Variants in SLA observed in about 807,000 individuals in gnomAD.
SLA encodes the protein src-like-adapter.
Under a neutral mutation model 30.3 loss-of-function variants are expected in SLA, and 16 were observed. The ratio of observed to expected loss-of-function variants is 0.53; its 90% CI spans 0.36 to 0.80. The LOEUF is 0.80. Ranked by LOEUF, SLA falls within the 30% of genes least tolerant of loss-of-function variation. SLA has a pLI of 0.01. For missense variants in SLA, 310 were observed against 345.2 expected, an observed-to-expected ratio of 0.90 and a Z score of 0.81; for synonymous variants, 143 against 137.8, an observed-to-expected ratio of 1.04 and a Z score of -0.26.
At chr8:133,047,584 G>A in intron 6 of SLA, 1 of 530,160 alleles carries the variant, frequency 1.9e-6, no homozygotes, top group South Asian at 2.0e-5. Context: ...TTTCCAGCAG[G>A]AGTCATCAGG....
chr8:133,079,030 G>C (rs1037263892), intron 1 of SLA, among the ~76,000 whole-genome samples: 11 of 152,180 alleles, frequency 7.2e-5, no homozygotes, highest in African/African-American at 2.7e-4. Context: ...GAGGCATGGC[G>C]GGACCACATC....
At chr8:133,098,987 C>T (rs1437854961) in intron 1 of SLA, among the ~76,000 whole-genome samples, 1 of 152,206 alleles carries the variant, frequency 6.6e-6, no homozygotes, top group Non-Finnish European at 1.5e-5. Context: ...GGACTGGGAT[C>T]TCTACTCAAG....
chr8:133,060,017 T>C lies in SLA; in HGVS notation c.61+83A>G, dbSNP rs551953806. The C allele has an allele frequency of 1.2e-4, 168 of 1,412,580 alleles. No individual in the cohort carries two copies. In the Middle Eastern group the frequency reaches 1.3e-3, roughly 11 times the overall value. The allele number at this position is 1,412,580 out of a possible 1,614,324, so 87.5% of individuals were successfully genotyped here. ...GTACCCATTGCCCCATTTAAGTAGTTACCGGCATCCACCACCGCCCAGTCT... is the reference window on the plus strand; with the variant it reads ...GTACCCATTGCCCCATTTAAGTAGTCACCGGCATCCACCACCGCCCAGTCT... On this transcript the variant is annotated intron_variant, in intron 3 of 8. Coordinates refer to ENST00000338087, the MANE Select transcript of SLA (RefSeq NM_001045556.3).
chr8:133,049,749 C>T, intron 5 of SLA, 153 bp downstream of exon 5: 1 of 645,698 alleles, frequency 1.5e-6, no homozygotes, highest in Non-Finnish European at 2.8e-6. Context: ...CCCAAGGTTG[C>T]TCCTTTCCTT....
At chr8:133,082,316 A>C (rs62516034) in intron 1 of SLA, among the ~76,000 whole-genome samples, 39,009 of 152,096 alleles carry the variant, frequency 0.26, 5,312 homozygotes, top group African/African-American at 0.31. Flanking sequence ...ACTTTGCATG[A>C]CTGGGGCAAC....
rs1409780690 is a variant in SLA, at chr8:133,074,976, C to T, written c.-164G>A. ...AATAAACAGGCAGCCGGGCTTCTCG[C>T]GGTTGTGGAGAAGCAGCCCATGCTA... On this transcript the variant is annotated 5_prime_UTR_variant, in exon 2 of 9. Coordinates refer to ENST00000338087, the MANE Select transcript of SLA (RefSeq NM_001045556.3). The T allele has an allele frequency of 3.3e-5, 33 of 985,340 alleles. No individual in the cohort carries two copies. Among genetic ancestry groups the T allele is most frequent in the Non-Finnish European group, 3.9e-5 (32 of 829,986 alleles). 61.0% of individuals were successfully genotyped at this position (985,340 alleles called of 1,614,324 possible).
intron 3 of SLA, among the ~76,000 whole-genome samples, chr8:133,059,394 G>T (rs933587457): frequency 2.6e-5 from 4 of 152,208 alleles, no homozygotes; most frequent in Non-Finnish European, 5.9e-5. Context: ...TGGTGGATTT[G>T]ATGTTCAGCC....
intron 4 of SLA, chr8:133,050,428 G>A (rs1026103974): frequency 4.0e-6 from 1 of 250,590 alleles, no homozygotes; most frequent in Non-Finnish European, 7.8e-6. Context: ...AGAGGTAAGA[G>A]GAGAGAAGGC....
intron 1 of SLA, among the ~76,000 whole-genome samples, chr8:133,086,792 T>G (rs976216523): frequency 6.6e-6 from 1 of 152,210 alleles, no homozygotes; most frequent in Non-Finnish European, 1.5e-5. Context: ...AATATTGTTA[T>G]GTTCCTTACA....
rs1332484170 is a variant in SLA, at chr8:133,040,064, G to T, written c.551C>A (p.Ala184Glu). ...GACAGGTGAGCTGGAGGCCCTCACT[G>T]CTGGGGCAGCCGTGCTTTGTGTCAG... ...PCLTQSTAAP[A>E]VRASSSPVTL... Residue 184 changes from alanine (A) to glutamate (E), a missense_variant, in exon 8 of 9, where the codon GCA (alanine) becomes GAA (glutamate). By Grantham distance (107) the Ala-to-Glu change is moderately radical. Coordinates refer to ENST00000338087, the MANE Select transcript of SLA (RefSeq NM_001045556.3). 6 of 1,555,506 alleles carry T rather than the reference G, an allele frequency of 3.9e-6. No individual in the cohort carries two copies. Among genetic ancestry groups the T allele is most frequent in the Non-Finnish European group, 5.2e-6 (6 of 1,149,040 alleles).
At chr8:133,093,993 G>T (rs534640338) in intron 1 of SLA, among the ~76,000 whole-genome samples, 5 of 152,160 alleles carry the variant, frequency 3.3e-5, no homozygotes, top group Non-Finnish European at 5.9e-5. Flanking sequence ...GGTAAGAGCA[G>T]TGGCACTGGT....
At chr8:133,095,754 C>T (rs1357634597) in intron 1 of SLA, among the ~76,000 whole-genome samples, 2 of 152,202 alleles carry the variant, frequency 1.3e-5, no homozygotes, top group African/African-American at 2.4e-5. Flanking sequence ...ATTGTCATGG[C>T]AATTGATGGC....
intron 3 of SLA, among the ~76,000 whole-genome samples, chr8:133,052,179 T>G (rs1294443357): frequency 1.3e-5 from 2 of 152,190 alleles, no homozygotes; most frequent in African/African-American, 4.8e-5. Flanking sequence ...CATAAGCCTC[T>G]TGGGCAGACT....
chr8:133,049,552 G>A, intron 5 of SLA: 1 of 304,438 alleles, frequency 3.3e-6, no homozygotes, highest in Non-Finnish European at 6.4e-6. Context: ...GCCAGTAAGT[G>A]ACAGAGGCAG....
intron 2 of SLA, 56 bp from the exon 3 acceptor site, chr8:133,060,256 G>A: frequency 6.2e-7 from 1 of 1,610,526 alleles, no homozygotes; most frequent in South Asian, 1.1e-5. Flanking sequence ...CCTCCAAGTG[G>A]AGAATGACCC....
chr8:133,078,812 G>A (rs577063003), intron 1 of SLA, among the ~76,000 whole-genome samples: 1 of 152,342 alleles, frequency 6.6e-6, no homozygotes, highest in Admixed American at 6.5e-5. Flanking sequence ...CCTATATTCA[G>A]AGGACAGACG....
chr8:133,074,432 G>T (rs866444100), intron 2 of SLA, among the ~76,000 whole-genome samples: 6 of 152,196 alleles, frequency 3.9e-5, no homozygotes, highest in Middle Eastern at 3.4e-3. Context: ...TCTTCACTTT[G>T]CCCTATACCT....
Position 133,036,995 on chromosome 8 carries a change from G to T in SLA, c.*1529C>A, listed in dbSNP as rs537224554. ...TTCCTTTGAAATAGCCTTTTGGAAC[G>T]GTTGGGGAAACCACAGATGTCTCCT... is the stretch of plus-strand genomic sequence containing the variant. On this transcript the variant is annotated 3_prime_UTR_variant, in exon 9 of 9. Coordinates refer to ENST00000338087, the MANE Select transcript of SLA (RefSeq NM_001045556.3). 3.9e-5 allele frequency: 6 copies of T among 152,340 alleles called. 1 individual carries two copies. Among genetic ancestry groups the T allele is most frequent in the Middle Eastern group, 3.4e-3 (1 of 294 alleles). 9.4% of individuals were successfully genotyped at this position (152,340 alleles called of 1,614,324 possible). A position where few individuals can be genotyped will look rare whatever the true frequency, so the allele number is the denominator to read the frequency against.
chr8:133,095,999 C>G (rs1190894045), intron 1 of SLA, among the ~76,000 whole-genome samples: 1 of 152,180 alleles, frequency 6.6e-6, no homozygotes, highest in Non-Finnish European at 1.5e-5. Context: ...CCCTGGAGAC[C>G]ATCATTGCTG....
Sources: gnomAD v4.1 joint callset for allele counts (sites outside exome capture counted in the v4.1 genomes callset) on GRCh38, gnomAD v4.1.1 for gene constraint, MANE v1.5 for transcripts, NCBI Gene and HGNC (gene_info 2026-07-23, HGNC 2026-07-21) for gene names.